The following EXOC4 variants were observed in gnomAD, a reference collection of about 807,000 sequenced individuals.
EXOC4 encodes the protein exocyst complex component 4, also known as SEC8-like 1.
Under a neutral mutation model 107.2 loss-of-function variants are expected in EXOC4, and 71 were observed. That is an observed-to-expected ratio of 0.66 (90% confidence interval 0.55 to 0.81). The LOEUF (loss-of-function observed/expected upper bound fraction) is 0.81. EXOC4 is among the 30% of genes least tolerant of loss of function. The pLI is 0.00. For synonymous variants in EXOC4, 456 were observed against 441.2 expected (o/e 1.03, Z -0.42); for missense variants, 1,108 against 1,189.6 (o/e 0.93, Z 1.01).
chr7:133,570,934 T>C (rs1201777144), intron 9 of EXOC4, among the ~76,000 whole-genome samples: 1 of 152,216 alleles, frequency 6.6e-6, no homozygotes, highest in Non-Finnish European at 1.5e-5. Context: ...ATTTGAAAAT[T>C]GATTTAATTT....
rs190818797 is a variant in EXOC4 at position 133,376,899 on chromosome 7, T to G, written c.1182+1897T>G. Among the ~76,000 whole-genome samples the G allele has an allele frequency of 2.5e-3, 374 of 152,342 alleles. 2 individuals are homozygous for G. The highest frequency in any genetic ancestry group is 8.7e-3 in the African/African-American group (363 of 41,588). ...TCTTGATCCACCTGTAAATTTATTG[T>G]CTGATAGAACAAAACTCTCTCTAAA... On this transcript the variant is annotated intron_variant, in intron 7 of 17. Coordinates refer to ENST00000253861, the MANE Select transcript of EXOC4 (RefSeq NM_021807.4).
intron 10 of EXOC4, among the ~76,000 whole-genome samples, chr7:133,646,153 A>C: frequency 6.6e-6 from 1 of 152,210 alleles, no homozygotes; most frequent in East Asian, 1.9e-4. Flanking sequence ...GGAGTTTGCA[A>C]ACATACTTCC....
At chr7:133,815,313 G>A (rs1797340865) in intron 10 of EXOC4, among the ~76,000 whole-genome samples, 1 of 150,152 alleles carries the variant, frequency 6.7e-6, no homozygotes, top group Non-Finnish European at 1.5e-5. Flanking sequence ...CCCAGGAGGT[G>A]GAGGTGAGCC....
At chr7:133,372,694 A>C (rs539041664) in intron 6 of EXOC4, among the ~76,000 whole-genome samples, 2 of 152,314 alleles carry the variant, frequency 1.3e-5, no homozygotes, top group Admixed American at 6.5e-5. Context: ...TTTTCTGTTA[A>C]AACTTTGCTG....
intron 7 of EXOC4, among the ~76,000 whole-genome samples, chr7:133,415,882 A>C (rs904403763): frequency 6.6e-6 from 1 of 152,160 alleles, no homozygotes; most frequent in Admixed American, 6.6e-5. Context: ...AAGTTGCAGA[A>C]ATGCTTTGGT....
intron 12 of EXOC4, among the ~76,000 whole-genome samples, chr7:133,902,405 C>A (rs1201026051): frequency 6.6e-6 from 1 of 152,092 alleles, no homozygotes; most frequent in African/African-American, 2.4e-5. Context: ...TTCTAGAATT[C>A]CATTTATTCA....
chr7:133,994,247 G>A (rs1004686840), intron 14 of EXOC4, among the ~76,000 whole-genome samples: 4 of 152,186 alleles, frequency 2.6e-5, no homozygotes, highest in African/African-American at 9.7e-5. Context: ...AGTTTGCTGA[G>A]GATGATGGTT....
At chr7:133,736,047 C>A (rs982664265) in intron 10 of EXOC4, among the ~76,000 whole-genome samples, 1 of 151,748 alleles carries the variant, frequency 6.6e-6, no homozygotes, top group Non-Finnish European at 1.5e-5. Flanking sequence ...CTGCATCGCA[C>A]GACTACACTC....
chr7:134,014,390 G>A (rs989122202), intron 17 of EXOC4, among the ~76,000 whole-genome samples: 1 of 152,102 alleles, frequency 6.6e-6, no homozygotes, highest in Admixed American at 6.5e-5. Context: ...GCGACAGAGC[G>A]AGACTCCGTC....
At chr7:133,369,611 C>G (rs1031826098) in intron 6 of EXOC4, among the ~76,000 whole-genome samples, 3 of 152,072 alleles carry the variant, frequency 2.0e-5, no homozygotes, top group Admixed American at 6.5e-5. Flanking sequence ...CTGGACCTCA[C>G]TTGCTTTTCT....
chr7:133,832,693 T>C (rs1364778914), intron 11 of EXOC4, among the ~76,000 whole-genome samples: 1 of 152,248 alleles, frequency 6.6e-6, no homozygotes, highest in Non-Finnish European at 1.5e-5. Flanking sequence ...GTTTCTAAAA[T>C]ACATTCACAT....
chr7:133,338,619 A>AG (rs1795581235), intron 5 of EXOC4, among the ~76,000 whole-genome samples: 1 of 149,412 alleles, frequency 6.7e-6, no homozygotes, highest in Non-Finnish European at 1.5e-5. Flanking sequence ...AAAAAAAAAA[A>AG]AAAATTTTTA....
chr7:133,586,376 T>G (rs1025598923), intron 9 of EXOC4, among the ~76,000 whole-genome samples: 1 of 152,186 alleles, frequency 6.6e-6, no homozygotes, highest in African/African-American at 2.4e-5. Flanking sequence ...CTTAGGATAA[T>G]GTCCTCCATT....
intron 4 of EXOC4, among the ~76,000 whole-genome samples, chr7:133,314,688 A>G (rs1794949605): frequency 6.6e-6 from 1 of 152,206 alleles, no homozygotes; most frequent in African/African-American, 2.4e-5. Context: ...ATATAAAAAT[A>G]TCAGTGTGCA....
intron 5 of EXOC4, among the ~76,000 whole-genome samples, chr7:133,344,117 T>C (rs1795730701): frequency 6.6e-6 from 1 of 152,176 alleles, no homozygotes; most frequent in Admixed American, 6.5e-5. Flanking sequence ...GCACCTGGCC[T>C]AATTTTGTCA....
rs79204175 is a variant in EXOC4 at position 133,661,896 on chromosome 7, A to G, written c.1514+31755A>G. 2.6e-3 allele frequency among the ~76,000 whole-genome samples: 395 copies of G among 152,142 alleles called. 9 individuals are homozygous for G. In the East Asian group the frequency reaches 0.054, roughly 21 times the overall value. ...TACTTAGAGAGTAGTAAGAAATTAA[A>G]CGTGAAATTAAGAAAGGCTGGAGCT... On this transcript the variant is annotated intron_variant, in intron 10 of 17. Coordinates refer to ENST00000253861, the MANE Select transcript of EXOC4 (RefSeq NM_021807.4).
chr7:133,422,155 A>G (rs1167795777), intron 7 of EXOC4, among the ~76,000 whole-genome samples: 1 of 152,186 alleles, frequency 6.6e-6, no homozygotes, highest in Non-Finnish European at 1.5e-5. Context: ...ATTTTTGCTT[A>G]CGCCTCTGAA....
chr7:133,732,324 A>T (rs1428262146), intron 10 of EXOC4, among the ~76,000 whole-genome samples: 1 of 152,188 alleles, frequency 6.6e-6, no homozygotes, highest in African/African-American at 2.4e-5. Flanking sequence ...TAAATAGCTA[A>T]GCATGCGGGG....
chr7:133,531,986 T>C (rs1478650122), intron 9 of EXOC4, among the ~76,000 whole-genome samples: 2 of 152,062 alleles, frequency 1.3e-5, no homozygotes, highest in African/African-American at 2.4e-5. Context: ...ACGAAATTCA[T>C]TTGTTTTTTA....
Sources: allele counts gnomAD v4.1 joint callset (sites outside exome capture counted in the v4.1 genomes callset), GRCh38; gene constraint gnomAD v4.1.1; transcripts MANE v1.5; gene names NCBI Gene and HGNC (gene_info 2026-07-23, HGNC 2026-07-21).